PARVG: variants seen among roughly 807,000 people sequenced by gnomAD.
The protein encoded by PARVG is gamma-parvin.
Under a neutral mutation model 44.4 loss-of-function variants are expected in PARVG, and 36 were observed. That is an observed-to-expected ratio of 0.81 (90% confidence interval 0.62 to 1.07). The LOEUF (loss-of-function observed/expected upper bound fraction) is 1.07. Ranked by LOEUF, PARVG falls within the 50% of genes least tolerant of loss-of-function variation. PARVG has a pLI of 0.00. For missense variants in PARVG, 407 were observed against 407.4 expected (o/e 1.00, Z 0.01); for synonymous variants, 170 against 174.1 (o/e 0.98, Z 0.19).
intron 12 of PARVG, among the ~76,000 whole-genome samples, chr22:44,205,543 G>A (rs761351749): frequency 1.3e-5 from 2 of 152,238 alleles, no homozygotes; most frequent in Non-Finnish European, 2.9e-5. Context: ...AGTGGCTGAG[G>A]AATGAGACAT....
At chr22:44,184,434 G>A (rs1053037595) in intron 3 of PARVG, 1 of 152,172 alleles carries the variant, frequency 6.6e-6, no homozygotes, top group Admixed American at 6.5e-5. Context: ...TGCCTCCCAG[G>A]TTTAAGAGAT....
chr22:44,198,923 TACCCATCCATCCATCCACCC>T (rs1406777256), intron 12 of PARVG, among the ~76,000 whole-genome samples: 5,227 of 35,438 alleles, frequency 0.15, 548 homozygotes, highest in Non-Finnish European at 0.18. Flanking sequence ...TCCATCCATC[TACCCATCCATCCATCCACCC>T]ACCCATCCAT....
rs188458847 is a variant in PARVG at position 44,182,432 on chromosome 22, C to T, written c.-13+515C>T. Among the ~76,000 whole-genome samples, 16 of 152,248 alleles carry T rather than the reference C, an allele frequency of 1.1e-4. No individual in the cohort carries two copies. In the East Asian group the frequency reaches 3.1e-3, roughly 30 times the overall value. On this transcript the variant is annotated intron_variant, in intron 2 of 13. Transcript: ENST00000444313. This position sits in a 1 kb window ranked among gnomAD's most constrained non-coding sequence, Gnocchi z 4.6. Reference sequence around the variant, plus strand: ...GGCTGGGAGTCAGTTGTGTCCCCACCACCTCCATGCTACAGGGCAGGATGG... The same window carrying T: ...GGCTGGGAGTCAGTTGTGTCCCCACTACCTCCATGCTACAGGGCAGGATGG...
chr22:44,201,647 A>T (rs1391607638), intron 12 of PARVG, among the ~76,000 whole-genome samples: 2 of 152,212 alleles, frequency 1.3e-5, no homozygotes, highest in African/African-American at 4.8e-5. Flanking sequence ...CATTGCCACA[A>T]ACGTGCTGCT....
chr22:44,203,954 C>T (rs562716121), intron 12 of PARVG, among the ~76,000 whole-genome samples: 2 of 152,362 alleles, frequency 1.3e-5, no homozygotes, highest in Non-Finnish European at 2.9e-5. Context: ...AAGCAATTCT[C>T]CTGCCTCAGC....
Position 44,206,754 on chromosome 22 carries a change from C to A in PARVG, c.*328C>A. On this transcript the variant is annotated 3_prime_UTR_variant, in exon 14 of 14. Transcript: ENST00000444313. ...CACATCAGTCTCTCATCTCTGGGCC[C>A]AGGCTAGTGACCGCCCAGAGAGGTG... The A allele has an allele frequency of 3.2e-6, 1 of 317,022 alleles. No homozygotes were observed. Among genetic ancestry groups the A allele is most frequent in the East Asian group, 9.7e-5 (1 of 10,352 alleles). The allele number at this position is 317,022 out of a possible 1,614,324, so 19.6% of individuals were successfully genotyped here.
intron 12 of PARVG, among the ~76,000 whole-genome samples, chr22:44,200,481 C>T (rs560181063): frequency 6.6e-6 from 1 of 152,326 alleles, no homozygotes. Context: ...CCTAGTATCC[C>T]CAGGCTTGCC....
intron 12 of PARVG, among the ~76,000 whole-genome samples, chr22:44,203,070 A>C (rs748852175): frequency 7.9e-5 from 12 of 152,212 alleles, no homozygotes; most frequent in Non-Finnish European, 1.3e-4. Context: ...AGCCAGGGTC[A>C]GCTCTTACTG....
At position 44,181,785 on chromosome 22, in the gene PARVG, A is replaced by G. The variant is rs1013166582; in HGVS notation, c.-145A>G. Reference sequence around the variant, plus strand: ...CGGCTGAGCGGGCCTGGAGGAAGTGAGCAGCGGGGCTCCTGCCTCCCGGCC... The same window carrying G: ...CGGCTGAGCGGGCCTGGAGGAAGTGGGCAGCGGGGCTCCTGCCTCCCGGCC... On this transcript the variant is annotated 5_prime_UTR_variant, in exon 2 of 14. Coordinates refer to ENST00000444313, the MANE Select transcript of PARVG (RefSeq NM_022141.7). 9.0e-5 allele frequency: 89 copies of G among 985,396 alleles called. 1 individual carries two copies. In the African/African-American group the frequency reaches 1.3e-3, roughly 14 times the overall value. The allele number at this position is 985,396 out of a possible 1,614,324, so 61.0% of individuals were successfully genotyped here.
intron 1 of PARVG, 103 bp from the exon 2 acceptor site, chr22:44,181,639 G>T (rs60487160): frequency 1.1e-6 from 1 of 873,700 alleles, no homozygotes; most frequent in Non-Finnish European, 1.4e-6. Context: ...GAACCCCGGG[G>T]GCCCAGGCGG....
exon 1 of PARVG, chr22:44,172,965 G>T (rs1321212440): frequency 7.8e-7 from 1 of 1,287,530 alleles, no homozygotes; most frequent in Non-Finnish European, 1.0e-6. Flanking sequence ...TCTTTGTTTG[G>T]CTGCTGTTTT....
chr22:44,180,825 T>C (rs932631261), upstream of PARVG: 3 of 713,684 alleles, frequency 4.2e-6, no homozygotes, highest in Non-Finnish European at 3.4e-6. Flanking sequence ...TCCCACCTGA[T>C]TTAGCCACTT....
intron 4 of PARVG, chr22:44,186,729 G>C (rs932714486): frequency 1.5e-5 from 7 of 460,024 alleles, no homozygotes; most frequent in African/African-American, 1.4e-4. Flanking sequence ...TGAGTTGGGA[G>C]GTTATCCCAG....
chr22:44,193,953 T>C, intron 9 of PARVG, 130 bp downstream of exon 9: 1 of 1,152,974 alleles, frequency 8.7e-7, no homozygotes, highest in Non-Finnish European at 1.3e-6. Context: ...ATCTCAAGCC[T>C]CATTCTTATT....
In PARVG at chr22:44,205,799, G is replaced by A. The variant is rs374189156; in HGVS notation, c.856G>A (p.Gly286Ser). Residue 286 changes from glycine (G) to serine (S), a missense_variant, in exon 13 of 14, where the codon GGC (glycine) becomes AGC (serine). By Grantham distance (56) the Gly-to-Ser change is moderately conservative. Coordinates refer to ENST00000444313, the MANE Select transcript of PARVG (RefSeq NM_022141.7). Reference protein sequence around the residue: ...TLALELLKDEGLLSCPVSPED... With the variant: ...TLALELLKDESLLSCPVSPED... ...GGCGCTGGAGCTGCTGAAGGACGAG[G>A]GCCTGCTCAGCTGCCCTGTCAGCCC... The A allele has an allele frequency of 2.5e-6, 4 of 1,613,450 alleles. No individual in the cohort carries two copies. Among genetic ancestry groups the A allele is most frequent in the East Asian group, 2.2e-5 (1 of 44,870 alleles).
At position 44,207,859 on chromosome 22, in the gene PARVG, G is replaced by A. The variant is rs544598458; in HGVS notation, c.*1433G>A. 1 of 152,392 alleles carries A rather than the reference G, an allele frequency of 6.6e-6. No homozygotes were observed. The highest frequency in any genetic ancestry group is 2.1e-4 in the South Asian group (1 of 4,830). 9.4% of individuals were successfully genotyped at this position (152,392 alleles called of 1,614,324 possible). ...AAGCCCATAAGCGTGTTCCACGTGA[G>A]CACTCAGATGCACCCCTCTTCATGG... On this transcript the variant is annotated 3_prime_UTR_variant, in exon 14 of 14. Transcript: ENST00000444313.
At chr22:44,190,090 G>A (rs2054527986) in intron 6 of PARVG, among the ~76,000 whole-genome samples, 1 of 152,218 alleles carries the variant, frequency 6.6e-6, no homozygotes. Flanking sequence ...GTTGGGCGGT[G>A]AGGATTTAAC....
At chr22:44,196,088 A>G in intron 9 of PARVG, 67 bp from the exon 10 acceptor site, 2 of 1,594,024 alleles carry the variant, frequency 1.3e-6, no homozygotes, top group Non-Finnish European at 1.7e-6. Context: ...TGTGAAAAAA[A>G]AAATTCCCTG....
intron 8 of PARVG, 119 bp downstream of exon 8, chr22:44,192,223 C>A: frequency 8.4e-7 from 1 of 1,193,496 alleles, no homozygotes; most frequent in Non-Finnish European, 1.2e-6. Context: ...CATTCTGTGG[C>A]TTTCTCTCAG....
Sources: gnomAD v4.1 joint callset for allele counts (sites outside exome capture counted in the v4.1 genomes callset) on GRCh38, gnomAD v4.1.1 for gene constraint, Gnocchi (gnomAD v3.1) non-coding constraint, MANE v1.5 for transcripts, NCBI Gene and HGNC (gene_info 2026-07-23, HGNC 2026-07-21) for gene names.